STX17: variants seen among roughly 807,000 people sequenced by gnomAD.
STX17 encodes syntaxin-17.
STX17 carries 29 observed loss-of-function variants against 35.9 expected under a neutral mutation model. The observed-to-expected ratio is 0.81, with a 90% CI of 0.60 to 1.10. The LOEUF (loss-of-function observed/expected upper bound fraction) is 1.10. STX17 is among the 50% of genes least tolerant of loss of function. STX17 has a pLI of 0.00. For missense variants in STX17, 312 were observed against 352.3 expected, an observed-to-expected ratio of 0.89 and a Z score of 0.92; for synonymous variants, 92 against 118.3, an observed-to-expected ratio of 0.78 and a Z score of 1.44.
intron 4 of STX17, among the ~76,000 whole-genome samples, chr9:99,951,677 T>C (rs1363885895): frequency 6.6e-6 from 1 of 152,006 alleles, no homozygotes; most frequent in Non-Finnish European, 1.5e-5. Flanking sequence ...GTTAGATCTA[T>C]CTTTCAGCCA....
chr9:99,962,026 G>C (rs1015082585), intron 6 of STX17, among the ~76,000 whole-genome samples: 2 of 151,984 alleles, frequency 1.3e-5, no homozygotes, highest in Admixed American at 6.6e-5. Context: ...GTCTTTCAAG[G>C]TTTTGAAACC....
intron 2 of STX17, among the ~76,000 whole-genome samples, chr9:99,919,021 G>C (rs1046216809): frequency 6.6e-6 from 1 of 152,090 alleles, no homozygotes; most frequent in Non-Finnish European, 1.5e-5. Context: ...AATCTTCCTG[G>C]TTGTGGTGTG....
At chr9:99,968,294 C>G (rs543024815) in intron 7 of STX17, 140 bp from the exon 8 acceptor site, 10 of 1,054,696 alleles carry the variant, frequency 9.5e-6, no homozygotes, top group East Asian at 5.4e-5. Flanking sequence ...TCTTTTCCCC[C>G]CTACAAGTAC....
At chr9:99,907,596 G>T (rs1371183483) in intron 1 of STX17, among the ~76,000 whole-genome samples, 1 of 152,110 alleles carries the variant, frequency 6.6e-6, no homozygotes, top group African/African-American at 2.4e-5. Flanking sequence ...GAATACGATG[G>T]CAGTTCTTTG....
chr9:99,959,235 G>C (rs1829779523), intron 4 of STX17, among the ~76,000 whole-genome samples: 1 of 152,040 alleles, frequency 6.6e-6, no homozygotes, highest in South Asian at 2.1e-4. Flanking sequence ...TTAAATGACT[G>C]TGTAGATTAA....
At chr9:99,963,890 T>C (rs904113140) in intron 6 of STX17, among the ~76,000 whole-genome samples, 2 of 152,126 alleles carry the variant, frequency 1.3e-5, no homozygotes, top group African/African-American at 4.8e-5. Flanking sequence ...AAGGAGTATA[T>C]AGAATATATC....
chr9:99,968,898 G>T lies in STX17; in HGVS notation c.*225G>T. The T allele has an allele frequency of 4.2e-6, 2 of 474,358 alleles. No homozygotes were observed. Among genetic ancestry groups the T allele is most frequent in the Non-Finnish European group, 6.7e-6 (2 of 297,356 alleles). The allele number at this position is 474,358 out of a possible 1,614,324, so 29.4% of individuals were successfully genotyped here. ...GGCTGAGGGTATATAATGTATGTCAGGTAAAGTTTGAAGACTGCCAAGGAG... is the reference window on the plus strand; with the variant it reads ...GGCTGAGGGTATATAATGTATGTCATGTAAAGTTTGAAGACTGCCAAGGAG... On this transcript the variant is annotated 3_prime_UTR_variant, in exon 8 of 8. Transcript: ENST00000259400.
At chr9:99,929,365 G>T (rs1829061446) in intron 3 of STX17, among the ~76,000 whole-genome samples, 1 of 151,536 alleles carries the variant, frequency 6.6e-6, no homozygotes, top group South Asian at 2.1e-4. Context: ...TTCTTTGCTA[G>T]TTATTTGCTT....
intron 2 of STX17, among the ~76,000 whole-genome samples, chr9:99,926,572 A>G (rs117206882): frequency 0.026 from 3,896 of 151,598 alleles, 68 homozygotes; most frequent in Non-Finnish European, 0.037. Context: ...ATCTGGGCTC[A>G]CTGCAAGCTC....
intron 7 of STX17, 130 bp from the exon 8 acceptor site, chr9:99,968,304 C>T (rs1035313918): frequency 8.7e-7 from 1 of 1,154,976 alleles, no homozygotes; most frequent in Non-Finnish European, 1.2e-6. Context: ...CCTACAAGTA[C>T]AGTCTCTAAG....
intron 4 of STX17, among the ~76,000 whole-genome samples, chr9:99,951,610 G>A (rs914390715): frequency 1.3e-5 from 2 of 151,992 alleles, no homozygotes. Flanking sequence ...CCAGGTGCAG[G>A]GGTGACCTCT....
intron 3 of STX17, among the ~76,000 whole-genome samples, chr9:99,947,651 A>G (rs1190054761): frequency 1.3e-5 from 2 of 152,178 alleles, no homozygotes; most frequent in Admixed American, 1.3e-4. Context: ...TCTGTGAGCT[A>G]CTCGAGACTG....
intron 3 of STX17, among the ~76,000 whole-genome samples, chr9:99,943,058 AAAAC>A (rs996918829): frequency 1.4e-4 from 21 of 152,356 alleles, no homozygotes; most frequent in African/African-American, 4.6e-4. Context: ...TCACCAAAAC[AAAAC>A]AAAGTATCAA....
intron 6 of STX17, among the ~76,000 whole-genome samples, chr9:99,966,852 T>C (rs1829922170): frequency 6.6e-6 from 1 of 152,304 alleles, no homozygotes; most frequent in Non-Finnish European, 1.5e-5. Flanking sequence ...TGAGCAGAGG[T>C]TCAGTAACCA....
chr9:99,968,312 A>G (rs1829958030), intron 7 of STX17, 122 bp from the exon 8 acceptor site: 1 of 1,260,840 alleles, frequency 7.9e-7, no homozygotes, highest in Admixed American at 2.6e-5. Flanking sequence ...TACAGTCTCT[A>G]AGGTTAATTA....
At chr9:99,941,150 G>T (rs577529994) in intron 3 of STX17, among the ~76,000 whole-genome samples, 7 of 152,284 alleles carry the variant, frequency 4.6e-5, no homozygotes, top group African/African-American at 1.7e-4. Flanking sequence ...GCATGTTGTT[G>T]GACCACTACT....
At chr9:99,923,322 A>G (rs1294904540) in intron 2 of STX17, among the ~76,000 whole-genome samples, 2 of 152,178 alleles carry the variant, frequency 1.3e-5, no homozygotes, top group Non-Finnish European at 2.9e-5. Flanking sequence ...TAAAATTATA[A>G]TCTTCCTCAT....
At position 99,968,687 on chromosome 9, in the gene STX17, GTAT is replaced by G; in HGVS notation, c.*19_*21del. 2 of 1,608,754 alleles carry G rather than the reference GTAT, an allele frequency of 1.2e-6. No homozygotes were observed. The highest frequency in any genetic ancestry group is 2.2e-5 in the South Asian group (2 of 89,932). On this transcript the variant is annotated 3_prime_UTR_variant, in exon 8 of 8. Coordinates refer to ENST00000259400, the MANE Select transcript of STX17 (RefSeq NM_017919.3). ...AAATGCAGTTAAAAACCAAATTTCA[GTAT>G]TATTGGTGCCAACATGTCTATCCTG...
At chr9:99,919,456 C>G (rs1450662408) in intron 2 of STX17, among the ~76,000 whole-genome samples, 1 of 152,184 alleles carries the variant, frequency 6.6e-6, no homozygotes, top group African/African-American at 2.4e-5. Context: ...ACCCCTTTTG[C>G]AGGCTTACAT....
Sources: gnomAD v4.1 joint callset for allele counts (sites outside exome capture counted in the v4.1 genomes callset) on GRCh38, gnomAD v4.1.1 for gene constraint, MANE v1.5 for transcripts, NCBI Gene and HGNC (gene_info 2026-07-23, HGNC 2026-07-21) for gene names.